ADGRL2: variants seen among roughly 807,000 people sequenced by gnomAD.
ADGRL2 encodes the protein adhesion G protein-coupled receptor L2.
A neutral mutation model predicts 157.4 loss-of-function variants in ADGRL2; 44 were observed. The observed-to-expected ratio is 0.28, with a 90% CI of 0.22 to 0.36. The LOEUF (loss-of-function observed/expected upper bound fraction) is 0.36. Among genes scored for constraint, ADGRL2 ranks in the 10% least tolerant of loss-of-function variants. The pLI, the probability that ADGRL2 is intolerant of heterozygous loss-of-function variation, is 1.00. For missense variants in ADGRL2, 1,510 were observed against 1,768.9 expected, an observed-to-expected ratio of 0.85 and a Z score of 2.63; for synonymous variants, 585 against 624.7, an observed-to-expected ratio of 0.94 and a Z score of 0.95.
intron 3 of ADGRL2, among the ~76,000 whole-genome samples, chr1:81,594,556 TG>T (rs2081195239): frequency 1.3e-5 from 2 of 152,216 alleles, no homozygotes; most frequent in South Asian, 4.1e-4. Flanking sequence ...TTTCAACAGT[TG>T]GGATTTTTAA....
chr1:81,483,579 G>A (rs2078436931), intron 2 of ADGRL2, among the ~76,000 whole-genome samples: 1 of 152,078 alleles, frequency 6.6e-6, no homozygotes, highest in Admixed American at 6.6e-5. Flanking sequence ...ATTTCCCCCA[G>A]AAGCAATTAA....
rs184241733 is a variant in ADGRL2, at chr1:81,981,512, C to T, written c.3114-296C>T. ...CCTTAATTTCTTTTATCAAAATGCA[C>T]ATAAAAGACAAAGTCATAGGGGATA... On this transcript the variant is annotated intron_variant, in intron 18 of 23. Coordinates refer to ENST00000686636, the MANE Select transcript of ADGRL2 (RefSeq NM_001366006.2). Among the ~76,000 whole-genome samples, 834 of 151,956 alleles carry T rather than the reference C, an allele frequency of 5.5e-3. 11 individuals are homozygous for T. Among genetic ancestry groups the T allele is most frequent in the African/African-American group, 0.019 (783 of 41,500 alleles).
chr1:81,870,095 T>C (rs2093653577), intron 2 of ADGRL2, among the ~76,000 whole-genome samples: 1 of 152,236 alleles, frequency 6.6e-6, no homozygotes, highest in African/African-American at 2.4e-5. Context: ...TATTAGCGTA[T>C]GTATCTGCAG....
intron 1 of ADGRL2, among the ~76,000 whole-genome samples, chr1:81,321,270 G>T (rs972983199): frequency 1.3e-5 from 2 of 152,248 alleles, no homozygotes; most frequent in South Asian, 2.1e-4. Flanking sequence ...CTATCCCGAC[G>T]ACTAAAACTA....
At chr1:81,857,451 G>C (rs887770416) in intron 2 of ADGRL2, among the ~76,000 whole-genome samples, 1 of 152,158 alleles carries the variant, frequency 6.6e-6, no homozygotes, top group African/African-American at 2.4e-5. Flanking sequence ...GAAAGTGGAA[G>C]ATGTTCCATT....
At chr1:81,462,168 T>G (rs1402473423) in intron 2 of ADGRL2, among the ~76,000 whole-genome samples, 2 of 151,838 alleles carry the variant, frequency 1.3e-5, no homozygotes, top group East Asian at 3.9e-4. Context: ...CCAATCACAC[T>G]CTGTAAGATG....
At chr1:81,472,392 G>A (rs1034845039) in intron 2 of ADGRL2, among the ~76,000 whole-genome samples, 4 of 152,218 alleles carry the variant, frequency 2.6e-5, no homozygotes, top group African/African-American at 4.8e-5. Flanking sequence ...TTGCGAGGCC[G>A]AGGGCCGAGG....
intron 2 of ADGRL2, among the ~76,000 whole-genome samples, chr1:81,527,237 C>G (rs2148214283): frequency 6.6e-6 from 1 of 152,288 alleles, no homozygotes; most frequent in Non-Finnish European, 1.5e-5. Context: ...ACATAGACTT[C>G]CTCAACCAGT....
At chr1:81,961,022 T>TGGCAGA (rs1437096966) in intron 11 of ADGRL2, among the ~76,000 whole-genome samples, 4 of 152,204 alleles carry the variant, frequency 2.6e-5, no homozygotes, top group Non-Finnish European at 5.9e-5. Flanking sequence ...GCAAGTCTCC[T>TGGCAGA]GGCAGAGGTC....
chr1:81,749,398 A>G (rs2085416429), intron 1 of ADGRL2, among the ~76,000 whole-genome samples: 1 of 152,170 alleles, frequency 6.6e-6, no homozygotes. Flanking sequence ...ATCTACCATT[A>G]CTTCTCCTTG....
chr1:81,647,330 T>C (rs961275895), intron 3 of ADGRL2, among the ~76,000 whole-genome samples: 4 of 152,148 alleles, frequency 2.6e-5, no homozygotes, highest in African/African-American at 9.7e-5. Context: ...ATCTAAGCCA[T>C]AATTATCAAC....
At chr1:81,429,153 CA>C (rs1277236047) in intron 1 of ADGRL2, among the ~76,000 whole-genome samples, 2 of 147,234 alleles carry the variant, frequency 1.4e-5, no homozygotes, top group South Asian at 4.3e-4. Context: ...TTTTTTTTTA[CA>C]ATGACCCACT....
At chr1:81,769,144 T>C (rs1294318126) in intron 2 of ADGRL2, among the ~76,000 whole-genome samples, 1 of 152,190 alleles carries the variant, frequency 6.6e-6, no homozygotes, top group Non-Finnish European at 1.5e-5. Flanking sequence ...ACTAATCTAC[T>C]GTTTTTTATT....
intron 1 of ADGRL2, among the ~76,000 whole-genome samples, chr1:81,738,553 G>A (rs541412219): frequency 2.1e-4 from 32 of 152,302 alleles, no homozygotes; most frequent in Non-Finnish European, 2.4e-4. Flanking sequence ...GGACCTTACA[G>A]AAAAAGCAGA....
intron 3 of ADGRL2, among the ~76,000 whole-genome samples, chr1:81,636,645 G>T (rs1483283795): frequency 7.2e-5 from 11 of 152,146 alleles, no homozygotes; most frequent in Non-Finnish European, 1.5e-5. Context: ...TCCCCAAACT[G>T]AGCTCGCCAG....
chr1:81,978,021 T>C (rs1159018965), intron 17 of ADGRL2, among the ~76,000 whole-genome samples: 2 of 151,646 alleles, frequency 1.3e-5, no homozygotes, highest in Non-Finnish European at 3.0e-5. Flanking sequence ...GTTTATAGAG[T>C]TCTTGTTTTT....
In ADGRL2 at chr1:81,352,665, G is replaced by A. The variant is rs539706799; in HGVS notation, c.-302+46156G>A. The stretch of plus-strand genomic sequence containing the variant: ...AACTTAAGATATGCCATGTGAGAGA[G>A]GAAAGTGGTTTTTAAACCTCCGTTG... On this transcript the variant is annotated intron_variant, in intron 1 of 24. Coordinates refer to the ADGRL2 transcript ENST00000370721. Among the ~76,000 whole-genome samples, 30 of 152,272 alleles carry A rather than the reference G, an allele frequency of 2.0e-4. No homozygotes were observed. In the South Asian group the frequency reaches 6.2e-3, roughly 32 times the overall value.
intron 3 of ADGRL2, among the ~76,000 whole-genome samples, chr1:81,672,456 T>G (rs542898141): frequency 1.2e-4 from 18 of 152,340 alleles, no homozygotes; most frequent in Non-Finnish European, 2.1e-4. Flanking sequence ...GCACTTGGCA[T>G]AGAGAAATGT....
At chr1:81,660,430 C>A (rs1248770677) in intron 3 of ADGRL2, among the ~76,000 whole-genome samples, 1 of 152,062 alleles carries the variant, frequency 6.6e-6, no homozygotes, top group Non-Finnish European at 1.5e-5. Flanking sequence ...CTGTATAAAG[C>A]TAATAAAACC....
Sources: gnomAD v4.1 joint callset for allele counts (sites outside exome capture counted in the v4.1 genomes callset) on GRCh38, gnomAD v4.1.1 for gene constraint, MANE v1.5 for transcripts, NCBI Gene and HGNC (gene_info 2026-07-23, HGNC 2026-07-21) for gene names.